LRRC37A2: variants seen among roughly 807,000 people sequenced by gnomAD.
LRRC37A2 encodes leucine-rich repeat-containing protein 37A2.
LRRC37A2 carries 9 observed loss-of-function variants against 68.8 expected under a neutral mutation model. The observed-to-expected ratio is 0.13, with a 90% confidence interval of 0.08 to 0.23. The LOEUF (loss-of-function observed/expected upper bound fraction) is 0.23. LRRC37A2 is among the 10% of genes least tolerant of loss of function. The pLI is 1.00. For missense variants in LRRC37A2, 168 were observed against 950.4 expected (o/e 0.18, Z 10.82); for synonymous variants, 63 against 367.6 (o/e 0.17, Z 9.48).
intron 8 of LRRC37A2, among the ~76,000 whole-genome samples, chr17:46,542,670 G>C (rs2055587365): frequency 6.7e-6 from 1 of 150,306 alleles, no homozygotes; most frequent in Admixed American, 6.6e-5. Flanking sequence ...ACTCCAGCTT[G>C]GGTGACAGAG....
the LRRC37A2 span, among the ~76,000 whole-genome samples, chr17:46,866,666 A>C: frequency 1.2e-3 from 180 of 152,180 alleles, 1 homozygote; most frequent in African/African-American, 4.1e-3. Flanking sequence ...CCCGGTTCCC[A>C]GGCAGCTGCC....
the LRRC37A2 span, among the ~76,000 whole-genome samples, chr17:46,791,618 C>T: frequency 3.3e-5 from 5 of 152,220 alleles, no homozygotes; most frequent in African/African-American, 1.2e-4. Context: ...CTCCACCAGG[C>T]CAGGCATGCC....
intron 8 of LRRC37A2, among the ~76,000 whole-genome samples, chr17:46,543,858 T>TTTA (rs1229523686): frequency 3.3e-5 from 5 of 150,082 alleles, no homozygotes; most frequent in Non-Finnish European, 5.9e-5. Context: ...GGCTCATGCC[T>TTTA]GTAATCCCAG....
At chr17:46,893,313 G>A in the LRRC37A2 span, among the ~76,000 whole-genome samples, 1 of 152,192 alleles carries the variant, frequency 6.6e-6, no homozygotes, top group Non-Finnish European at 1.5e-5. Flanking sequence ...CCAGCAACAT[G>A]TTGGCTGCCT....
chr17:46,800,482 G>T, the LRRC37A2 span, among the ~76,000 whole-genome samples: 2 of 151,606 alleles, frequency 1.3e-5, no homozygotes, highest in Admixed American at 1.3e-4. Flanking sequence ...TGATGCAGAG[G>T]CCTACAGAGC....
At chr17:47,017,294 C>G in the LRRC37A2 span, 1 of 1,609,090 alleles carries the variant, frequency 6.2e-7, no homozygotes, top group Non-Finnish European at 8.5e-7. Flanking sequence ...GGCTACTAGT[C>G]AAGGAGGCTC....
the LRRC37A2 span, among the ~76,000 whole-genome samples, chr17:46,997,688 G>A: frequency 1.3e-5 from 2 of 152,182 alleles, no homozygotes; most frequent in Admixed American, 1.3e-4. Flanking sequence ...AATAAAGGAA[G>A]GCTAGGTGTG....
chr17:47,006,147 T>C, the LRRC37A2 span, among the ~76,000 whole-genome samples: 67 of 151,964 alleles, frequency 4.4e-4, no homozygotes, highest in African/African-American at 1.6e-3. Context: ...ACTCCAGCTC[T>C]GCAACAGAGC....
the LRRC37A2 span, among the ~76,000 whole-genome samples, chr17:46,735,670 C>T: frequency 3.9e-5 from 6 of 152,152 alleles, no homozygotes; most frequent in East Asian, 3.9e-4. Context: ...GCTGTCCAGG[C>T]GCAGTGGCTC....
chr17:46,489,531 G>A, the LRRC37A2 span, among the ~76,000 whole-genome samples: 1 of 149,040 alleles, frequency 6.7e-6, no homozygotes, highest in Admixed American at 6.7e-5. Context: ...TGTCACCCAG[G>A]CGGGAATACA....
chr17:46,720,739 T>C, the LRRC37A2 span, among the ~76,000 whole-genome samples: 3 of 152,336 alleles, frequency 2.0e-5, no homozygotes, highest in East Asian at 5.8e-4. Flanking sequence ...AGATTTCTAC[T>C]AACTAGGTAC....
the LRRC37A2 span, among the ~76,000 whole-genome samples, chr17:46,951,830 C>T: frequency 4.7e-4 from 71 of 152,278 alleles, no homozygotes; most frequent in African/African-American, 1.5e-3. Context: ...CCACTCTGCC[C>T]GCCTTTCAGC....
At chr17:46,970,045 CTCA>C in the LRRC37A2 span, among the ~76,000 whole-genome samples, 1 of 152,310 alleles carries the variant, frequency 6.6e-6, no homozygotes, top group East Asian at 1.9e-4. Flanking sequence ...CTTCCAGTTT[CTCA>C]TCTGTAAAAT....
chr17:46,601,892 A>G, the LRRC37A2 span, among the ~76,000 whole-genome samples: 1 of 149,780 alleles, frequency 6.7e-6, no homozygotes, highest in Admixed American at 6.6e-5. Context: ...AAAAAAAAAA[A>G]AGACACTTTG....
the LRRC37A2 span, among the ~76,000 whole-genome samples, chr17:47,006,504 C>T: frequency 6.6e-6 from 1 of 151,886 alleles, no homozygotes; most frequent in Non-Finnish European, 1.5e-5. Context: ...CCCAGCTACT[C>T]GGGAGGCTGA....
At chr17:46,717,635 C>T in the LRRC37A2 span, among the ~76,000 whole-genome samples, 1 of 152,126 alleles carries the variant, frequency 6.6e-6, no homozygotes, top group Non-Finnish European at 1.5e-5. Context: ...TCGCTTGAAC[C>T]CGGGAGGCAG....
the LRRC37A2 span, among the ~76,000 whole-genome samples, chr17:46,945,718 TAA>T: frequency 1.3e-5 from 2 of 152,104 alleles, no homozygotes; most frequent in African/African-American, 4.8e-5. Flanking sequence ...TGGCCTCCTC[TAA>T]GAGTTTCTTG....
chr17:46,882,587 A>C, the LRRC37A2 span, among the ~76,000 whole-genome samples: 2 of 151,782 alleles, frequency 1.3e-5, no homozygotes, highest in African/African-American at 2.4e-5. Flanking sequence ...AGGCTCACCC[A>C]TGATGGGGAT....
the LRRC37A2 span, among the ~76,000 whole-genome samples, chr17:46,902,461 CGT>C: frequency 9.7e-3 from 1,434 of 147,930 alleles, 10 homozygotes; most frequent in African/African-American, 0.022. Context: ...GGGAACAGTG[CGT>C]GTGTGTGTGT....
Sources: gnomAD v4.1 joint callset for allele counts (sites outside exome capture counted in the v4.1 genomes callset) on GRCh38, gnomAD v4.1.1 for gene constraint, MANE v1.5 for transcripts, NCBI Gene and HGNC (gene_info 2026-07-23, HGNC 2026-07-21) for gene names.